DDX6: variants seen among roughly 807,000 people sequenced by gnomAD.
DDX6 encodes the protein DEAD-box helicase 6.
Under a neutral mutation model 60.6 loss-of-function variants are expected in DDX6, and 7 were observed. That is an observed-to-expected ratio of 0.12 (90% CI 0.07 to 0.22). The LOEUF (loss-of-function observed/expected upper bound fraction) is 0.22, where lower values mean the gene tolerates loss of function less well. Ranked by LOEUF, DDX6 falls within the 10% of genes least tolerant of loss-of-function variation. The pLI is 1.00. For synonymous variants in DDX6, 207 were observed against 201.0 expected, an observed-to-expected ratio of 1.03 and a Z score of -0.25; for missense variants, 270 against 589.9, an observed-to-expected ratio of 0.46 and a Z score of 5.62.
rs1555159796 is a variant in DDX6 at position 118,759,941 on chromosome 11, A to C, written c.845T>G (p.Leu282Arg). 6.2e-7 allele frequency: 1 copy of C among 1,613,718 alleles called. No homozygotes were observed. The highest frequency in any genetic ancestry group is 8.5e-7 in the Non-Finnish European group (1 of 1,179,810). The change falls in exon 8 of 14, where the codon CTT becomes CGT. Residue 282 changes from leucine (L) to arginine (R), a missense_variant. Around this residue, in one of 8 missense-constraint regions of DDX6, gnomAD observed 69 missense variants for 208.2 expected, o/e 0.33. Transcript: ENST00000534980. ...QILLYSATFPLSVQKFMNSHL... is the reference protein window; with the variant it reads ...QILLYSATFPRSVQKFMNSHL... ...ACTCACCATGAACTTCTGTACACTA[A>C]GAGGGAAAGTAGCGGAATATAGTAA...
At chr11:118,768,501 C>CAAGT in intron 4 of DDX6, 149 bp from the exon 5 acceptor site, 1 of 746,974 alleles carries the variant, frequency 1.3e-6, no homozygotes, top group Non-Finnish European at 2.1e-6. Context: ...AGCAGAGATC[C>CAAGT]AAGTAAATCA....
chr11:118,754,101 A>G (rs1266914649), intron 13 of DDX6, among the ~76,000 whole-genome samples: 2 of 152,050 alleles, frequency 1.3e-5, no homozygotes, highest in Non-Finnish European at 2.9e-5. Flanking sequence ...CTCAAAAAAC[A>G]AAAACAACAA....
chr11:118,762,273 C>CA (rs782743103), intron 7 of DDX6, among the ~76,000 whole-genome samples: 72,791 of 130,330 alleles, frequency 0.56, 20,836 homozygotes, highest in East Asian at 0.83. Flanking sequence ...GAGTCTGTCT[C>CA]AAAAAAAAAA....
At chr11:118,762,462 T>G (rs1255948299) in intron 7 of DDX6, among the ~76,000 whole-genome samples, 1 of 150,384 alleles carries the variant, frequency 6.6e-6, no homozygotes, top group Non-Finnish European at 1.5e-5. Flanking sequence ...CAGCCTAGCC[T>G]CCTTTAAACA....
chr11:118,755,505 T>TC lies in DDX6; in HGVS notation c.1175-3_1175-2insG. 6.6e-7 allele frequency: 1 copy of TC among 1,523,484 alleles called. No homozygotes were observed. The highest frequency in any genetic ancestry group is 9.0e-7 in the Non-Finnish European group (1 of 1,106,400). 94.4% of individuals were successfully genotyped at this position (1,523,484 alleles called of 1,614,324 possible). ...TATCAATACCTCGGGTAAACAGATCTTAAAAAAAAAAAGATAATTTTCATT... is the reference window on the plus strand; with the variant it reads ...TATCAATACCTCGGGTAAACAGATCTCTAAAAAAAAAAAGATAATTTTCATT... On this transcript the variant is annotated splice_region_variant and splice_polypyrimidine_tract_variant and intron_variant, in intron 11 of 13. Transcript: ENST00000534980.
At chr11:118,756,532 C>G (rs1565561071) in intron 10 of DDX6, among the ~76,000 whole-genome samples, 3 of 151,998 alleles carry the variant, frequency 2.0e-5, no homozygotes, top group African/African-American at 7.3e-5. Context: ...ATGTAGTTAA[C>G]AAAAAAGTCA....
intron 5 of DDX6, chr11:118,767,581 T>TAA (rs1245358952): frequency 6.7e-6 from 1 of 149,910 alleles, no homozygotes; most frequent in South Asian, 2.1e-4. Flanking sequence ...CCATAGTTTA[T>TAA]AAGTAGCAAT....
At chr11:118,769,705 T>A (rs1460081084) in intron 4 of DDX6, among the ~76,000 whole-genome samples, 1 of 151,768 alleles carries the variant, frequency 6.6e-6, no homozygotes, top group Non-Finnish European at 1.5e-5. Context: ...AAGGAAATTA[T>A]GTGGAATTTT....
chr11:118,755,138 C>T (rs969215423), intron 12 of DDX6, among the ~76,000 whole-genome samples: 1 of 152,198 alleles, frequency 6.6e-6, no homozygotes, highest in Non-Finnish European at 1.5e-5. Flanking sequence ...ATAAAATACA[C>T]ATTAAACAAC....
intron 9 of DDX6, among the ~76,000 whole-genome samples, chr11:118,758,124 C>T (rs1208544449): frequency 6.6e-6 from 1 of 152,202 alleles, no homozygotes; most frequent in African/African-American, 2.4e-5. Flanking sequence ...CTCTTTGCCA[C>T]ACTGTACACG....
intron 7 of DDX6, among the ~76,000 whole-genome samples, chr11:118,760,681 C>T (rs577486025): frequency 6.6e-6 from 1 of 151,804 alleles, no homozygotes; most frequent in Non-Finnish European, 1.5e-5. Flanking sequence ...ATTAGCTGGA[C>T]GTGGTGGTAC....
rs150541183 is a variant in DDX6, at chr11:118,750,186, T to G, written c.*1919A>C. On this transcript the variant is annotated 3_prime_UTR_variant, in exon 14 of 14. Transcript: ENST00000534980. Reference sequence around the variant, plus strand: ...GGAAATCAATTTTTTTTAATTTTGTTTTTTGCTTTTTTCCCCCCCTTTCCA... The same window carrying G: ...GGAAATCAATTTTTTTTAATTTTGTGTTTTGCTTTTTTCCCCCCCTTTCCA... The G allele has an allele frequency of 1.3e-3, 206 of 152,672 alleles. 2 individuals are homozygous for G. Among genetic ancestry groups the G allele is most frequent in the African/African-American group, 4.8e-3 (198 of 41,554 alleles). 9.5% of individuals were successfully genotyped at this position (152,672 alleles called of 1,614,324 possible).
rs374046858 is a variant in DDX6, at chr11:118,777,897, GA to G, written c.369+1734del. 3.1e-3 allele frequency among the ~76,000 whole-genome samples: 307 copies of G among 99,618 alleles called. 1 individual carries two copies. Among genetic ancestry groups the G allele is most frequent in the African/African-American group, 0.011 (274 of 24,804 alleles). 65.4% of individuals were successfully genotyped at this position (99,618 alleles called of 152,430 possible). A position where few individuals can be genotyped will look rare whatever the true frequency, so the allele number is the denominator to read the frequency against. ...GAGCTAGACTCCATCTCAAAAAAGA[GA>G]AAAAAAAAAAAAAAAACCAAGAAAG... On this transcript the variant is annotated intron_variant, in intron 4 of 13. Transcript: ENST00000534980.
At chr11:118,768,733 G>A (rs1303585300) in intron 4 of DDX6, among the ~76,000 whole-genome samples, 1 of 152,082 alleles carries the variant, frequency 6.6e-6, no homozygotes, top group Non-Finnish European at 1.5e-5. Flanking sequence ...AAAATGGCCA[G>A]GCACAGCAGC....
intron 9 of DDX6, 140 bp from the exon 10 acceptor site, chr11:118,757,427 A>T: frequency 2.0e-6 from 1 of 491,364 alleles, no homozygotes; most frequent in Non-Finnish European, 3.6e-6. Flanking sequence ...GAGAGATGGT[A>T]AATTGTAAAA....
rs548348540 is a variant in DDX6, at chr11:118,766,975, T to G, written c.499+1248A>C. On this transcript the variant is annotated intron_variant, in intron 5 of 13. Coordinates refer to ENST00000534980, the MANE Select transcript of DDX6 (RefSeq NM_004397.6). ...ATCTTGGCTGACTGCAACCTCCACCTCCCAGGTTCAAGCAATTCTCCTGCC... is the reference window on the plus strand; with the variant it reads ...ATCTTGGCTGACTGCAACCTCCACCGCCCAGGTTCAAGCAATTCTCCTGCC... Among the ~76,000 whole-genome samples, 4 of 151,646 alleles carry G rather than the reference T, an allele frequency of 2.6e-5. No individual in the cohort carries two copies. The East Asian group carries it at 7.7e-4, about 29-fold the overall frequency.
chr11:118,785,314 CTG>C (rs1398990357), intron 2 of DDX6, among the ~76,000 whole-genome samples: 10 of 151,992 alleles, frequency 6.6e-5, no homozygotes, highest in Non-Finnish European at 1.3e-4. Flanking sequence ...GAACTGTGTT[CTG>C]TGAGTTCAAA....
chr11:118,758,679 C>T (rs1176818623), intron 9 of DDX6, 95 bp downstream of exon 9: 4 of 1,481,576 alleles, frequency 2.7e-6, no homozygotes, highest in Non-Finnish European at 2.7e-6. Flanking sequence ...ACACTACGAA[C>T]TTTTATACAG....
At position 118,763,596 on chromosome 11, in the gene DDX6, G is replaced by A. The variant is rs148805031; in HGVS notation, c.647-290C>T. On this transcript the variant is annotated intron_variant, in intron 6 of 13. Coordinates refer to ENST00000534980, the MANE Select transcript of DDX6 (RefSeq NM_004397.6). The stretch of plus-strand genomic sequence containing the variant: ...TCCCTGTAATCCCAGTACTTTGGGA[G>A]GCCGAGGTGGGTGGATCACATGAGG... Among the ~76,000 whole-genome samples the A allele has an allele frequency of 2.5e-3, 375 of 152,214 alleles. 2 individuals carry two copies. Among genetic ancestry groups the A allele is most frequent in the African/African-American group, 8.5e-3 (355 of 41,522 alleles).
Sources: gnomAD v4.1 joint callset for allele counts (sites outside exome capture counted in the v4.1 genomes callset) on GRCh38, gnomAD v4.1.1 for gene constraint, gnomAD v4.1.1 regional missense constraint, MANE v1.5 for transcripts, NCBI Gene and HGNC (gene_info 2026-07-23, HGNC 2026-07-21) for gene names.